The following ADK variants were observed in gnomAD, a reference collection of about 807,000 sequenced individuals.
The protein encoded by ADK is adenosine kinase, also known as N6,N6-dimethyladenosine kinase.
A neutral mutation model predicts 44.7 loss-of-function variants in ADK; 24 were observed. The observed-to-expected ratio is 0.54, with a 90% CI of 0.39 to 0.76. The LOEUF (loss-of-function observed/expected upper bound fraction) is 0.76. Among genes scored for constraint, ADK ranks in the 30% least tolerant of loss-of-function variants. The pLI is 0.00. For missense variants in ADK, 321 were observed against 425.1 expected, an observed-to-expected ratio of 0.76 and a Z score of 2.15; for synonymous variants, 128 against 142.6, an observed-to-expected ratio of 0.90 and a Z score of 0.73.
chr10:74,581,208 A>G (rs551689965), intron 7 of ADK, among the ~76,000 whole-genome samples: 1 of 152,330 alleles, frequency 6.6e-6, no homozygotes, highest in South Asian at 2.1e-4. Context: ...TATTTCAAGA[A>G]GGTAAATAAA....
chr10:74,650,748 C>T (rs1854233203), intron 9 of ADK, among the ~76,000 whole-genome samples: 2 of 152,124 alleles, frequency 1.3e-5, no homozygotes, highest in Admixed American at 1.3e-4. Flanking sequence ...CGATATCATG[C>T]CCAGTTTGTA....
rs190446201 is a variant in ADK, at chr10:74,574,285, C to T, written c.727-14997C>T. ...TCCGACATTGAAGCGATTCTCCTGC[C>T]TCAGCCTCCCAAGTAGCTGGGACTA... On this transcript the variant is annotated intron_variant, in intron 7 of 10. Coordinates refer to ENST00000539909, the MANE Select transcript of ADK (RefSeq NM_006721.4). Among the ~76,000 whole-genome samples the T allele has an allele frequency of 4.1e-3, 617 of 152,146 alleles. 8 individuals are homozygous for T. Among genetic ancestry groups the T allele is most frequent in the African/African-American group, 0.014 (567 of 41,498 alleles).
At chr10:74,283,794 C>CCT in intron 3 of ADK, among the ~76,000 whole-genome samples, 1 of 151,078 alleles carries the variant, frequency 6.6e-6, no homozygotes, top group East Asian at 1.9e-4. Flanking sequence ...CATTCTCCTG[C>CCT]CTCAGCCTCC....
intron 6 of ADK, among the ~76,000 whole-genome samples, chr10:74,461,591 A>C (rs1364341894): frequency 6.6e-6 from 1 of 152,058 alleles, no homozygotes; most frequent in East Asian, 1.9e-4. Flanking sequence ...TCCACATAGT[A>C]GATATTTAAT....
chr10:74,289,575 A>T (rs1847325684), intron 3 of ADK, among the ~76,000 whole-genome samples: 1 of 152,192 alleles, frequency 6.6e-6, no homozygotes, highest in African/African-American at 2.4e-5. Flanking sequence ...GAAAAATTGG[A>T]AATTACATAA....
At chr10:74,618,888 C>T (rs1852874622) in intron 9 of ADK, among the ~76,000 whole-genome samples, 1 of 152,054 alleles carries the variant, frequency 6.6e-6, no homozygotes. Context: ...TGATTGATGA[C>T]TTTCATCAGA....
chr10:74,548,014 G>A (rs1162793022), intron 7 of ADK, among the ~76,000 whole-genome samples: 2 of 151,498 alleles, frequency 1.3e-5, no homozygotes, highest in African/African-American at 2.4e-5. Flanking sequence ...TGACGGTCTC[G>A]ATCTCCTGAC....
At chr10:74,195,122 C>G (rs1049918555) in intron 1 of ADK, among the ~76,000 whole-genome samples, 1 of 151,824 alleles carries the variant, frequency 6.6e-6, no homozygotes, top group Admixed American at 6.6e-5. Flanking sequence ...ATCTCTCATC[C>G]TAGCATCCAT....
intron 1 of ADK, among the ~76,000 whole-genome samples, chr10:74,171,810 CTGTGTGTGTGTGTG>C (rs144943440): frequency 6.9e-6 from 1 of 143,994 alleles, no homozygotes; most frequent in African/African-American, 2.6e-5. Flanking sequence ...CTCTGTCTCT[CTGTGTGTGTGTGTG>C]TGTGTGTGTG....
chr10:74,636,120 A>G (rs959468644), intron 9 of ADK, among the ~76,000 whole-genome samples: 6 of 152,152 alleles, frequency 3.9e-5, no homozygotes, highest in African/African-American at 1.4e-4. Flanking sequence ...TCAAAGGGCA[A>G]TAGATAATTA....
chr10:74,572,216 C>G (rs1850996106), intron 7 of ADK, among the ~76,000 whole-genome samples: 1 of 152,200 alleles, frequency 6.6e-6, no homozygotes, highest in Non-Finnish European at 1.5e-5. Flanking sequence ...CAAAATCTCT[C>G]AGCATTTGCT....
chr10:74,434,913 A>G lies in ADK; in HGVS notation c.555+36334A>G, dbSNP rs150036490. Among the ~76,000 whole-genome samples the G allele has an allele frequency of 1.3e-3, 193 of 152,326 alleles. 4 individuals are homozygous for G. The East Asian group carries it at 0.016, about 12-fold the overall frequency. Reference sequence around the variant, plus strand: ...GGGAATGGATGACTTTGAATGTTGGAGAGCACCTGTGGTGAGTTGTTTATA... The same window carrying G: ...GGGAATGGATGACTTTGAATGTTGGGGAGCACCTGTGGTGAGTTGTTTATA... On this transcript the variant is annotated intron_variant, in intron 6 of 10. Transcript: ENST00000539909.
At chr10:74,207,215 G>C (rs1019837604) in intron 2 of ADK, among the ~76,000 whole-genome samples, 1 of 152,130 alleles carries the variant, frequency 6.6e-6, no homozygotes, top group Non-Finnish European at 1.5e-5. Flanking sequence ...ATAATATGGT[G>C]GTGCCCAGAA....
intron 6 of ADK, among the ~76,000 whole-genome samples, chr10:74,484,048 C>T (rs913139976): frequency 3.3e-5 from 5 of 152,180 alleles, no homozygotes; most frequent in Admixed American, 3.3e-4. Flanking sequence ...TAGCCATGCC[C>T]CAGTCGTAGG....
intron 7 of ADK, among the ~76,000 whole-genome samples, chr10:74,533,887 A>G (rs1033663433): frequency 2.0e-5 from 3 of 152,196 alleles, no homozygotes; most frequent in Non-Finnish European, 4.4e-5. Context: ...AACATCCACA[A>G]CTAGTAACTG....
At chr10:74,243,263 G>A (rs1264021136) in intron 3 of ADK, among the ~76,000 whole-genome samples, 2 of 152,160 alleles carry the variant, frequency 1.3e-5, no homozygotes, top group Non-Finnish European at 1.5e-5. Flanking sequence ...TGGAGCAGCC[G>A]GCCAGGTCCT....
At chr10:74,442,636 A>G (rs972246466) in intron 6 of ADK, among the ~76,000 whole-genome samples, 3 of 152,180 alleles carry the variant, frequency 2.0e-5, no homozygotes, top group Non-Finnish European at 2.9e-5. Context: ...ACAGAGTGAG[A>G]CTCTATCTCT....
chr10:74,420,807 T>C (rs962185227), intron 6 of ADK, among the ~76,000 whole-genome samples: 20 of 152,198 alleles, frequency 1.3e-4, no homozygotes, highest in Admixed American at 3.9e-4. Flanking sequence ...TTTTAGGTTT[T>C]ATTCTGTGAA....
intron 3 of ADK, among the ~76,000 whole-genome samples, chr10:74,257,792 G>A (rs1168998467): frequency 6.6e-6 from 1 of 152,140 alleles, no homozygotes; most frequent in Admixed American, 6.6e-5. Context: ...AGTGTAACTT[G>A]TACTGTAAAT....
Sources: gnomAD v4.1 joint callset for allele counts (sites outside exome capture counted in the v4.1 genomes callset) on GRCh38, gnomAD v4.1.1 for gene constraint, MANE v1.5 for transcripts, NCBI Gene and HGNC (gene_info 2026-07-23, HGNC 2026-07-21) for gene names.